CCDC180: variants seen among roughly 807,000 people sequenced by gnomAD.
The protein encoded by CCDC180 is coiled-coil domain-containing protein 180.
CCDC180 carries 154 observed loss-of-function variants against 209.2 expected under a neutral mutation model. That is an observed-to-expected ratio of 0.74 (90% CI 0.65 to 0.84). CCDC180 has a LOEUF of 0.84. Ranked by LOEUF, CCDC180 falls within the 40% of genes least tolerant of loss-of-function variation. The pLI, the probability that CCDC180 is intolerant of heterozygous loss-of-function variation, is 0.00. For missense variants in CCDC180, 1,874 were observed against 1,997.3 expected (o/e 0.94, Z 1.18); for synonymous variants, 778 against 749.1 (o/e 1.04, Z -0.63).
Position 97,332,271 on chromosome 9 carries a change from A to G in CCDC180, c.2274+1504A>G, listed in dbSNP as rs115957888. On this transcript the variant is annotated intron_variant, in intron 18 of 36. Coordinates refer to ENST00000529487, the MANE Select transcript of CCDC180 (RefSeq NM_020893.6). The stretch of plus-strand genomic sequence containing the variant: ...TGTATTATGCTGTTTTGATTACTGT[A>G]GACCTGTAGTATAGTTTGAAGTCAA... Among the ~76,000 whole-genome samples, 670 of 152,302 alleles carry G rather than the reference A, an allele frequency of 4.4e-3. 4 individuals are homozygous for G. The highest frequency in any genetic ancestry group is 0.015 in the African/African-American group (624 of 41,564).
chr9:97,369,948 G>T lies in CCDC180; in HGVS notation c.4216G>T (p.Glu1406Ter). ...ATTACGGATCCAGATCAGGAGATTT[G>T]AGGAGCTGCTGCCCCAAGTGTGTTG... ...IELRIQIRRF[E>*]ELLPQVCWLV... Residue 1406 changes from glutamate (E) to a stop codon, truncating the protein, a stop_gained, in exon 32 of 37, where the codon GAG becomes TAG. Transcript: ENST00000529487. LOFTEE classifies it high-confidence loss of function. 6.2e-7 allele frequency: 1 copy of T among 1,614,188 alleles called. No individual in the cohort carries two copies. The highest frequency in any genetic ancestry group is 1.1e-5 in the South Asian group (1 of 91,076).
In CCDC180 at chr9:97,361,821, G is replaced by T. The variant is rs1274045856; in HGVS notation, c.3579G>T (p.Glu1193Asp). ...CCAAGCTGGACGTGGTCACCCCTGA[G>T]TCCTTCACCCAGCTGAGCCGCGTGG... ...EEAKLDVVTPESFTQLSRVGK... is the reference protein window; with the variant it reads ...EEAKLDVVTPDSFTQLSRVGK... Residue 1193 changes from glutamate to aspartate, a missense_variant, in exon 27 of 37, where the codon GAG (glutamate) becomes GAT (aspartate). Transcript: ENST00000529487. The T allele has an allele frequency of 6.2e-6, 10 of 1,614,192 alleles. No homozygotes were observed. Among genetic ancestry groups the T allele is most frequent in the Non-Finnish European group, 8.5e-6 (10 of 1,180,040 alleles).
At chr9:97,312,789 A>G (rs1005682464) in intron 4 of CCDC180, among the ~76,000 whole-genome samples, 9 of 147,016 alleles carry the variant, frequency 6.1e-5, no homozygotes, top group Non-Finnish European at 1.3e-4. Flanking sequence ...CAAGTGGCCC[A>G]GATCCCTGCT....
At chr9:97,340,404 A>T (rs944770159) in intron 18 of CCDC180, among the ~76,000 whole-genome samples, 3 of 152,208 alleles carry the variant, frequency 2.0e-5, no homozygotes, top group African/African-American at 7.2e-5. Context: ...CCGAGGCAAG[A>T]GACCGAGGAC....
rs754206430 is a variant in CCDC180, at chr9:97,376,920, CT to C, written c.*29del. On this transcript the variant is annotated 3_prime_UTR_variant, in exon 37 of 37. Coordinates refer to ENST00000529487, the MANE Select transcript of CCDC180 (RefSeq NM_020893.6). ...CCCTCCGCCCCACCATGAATAAACA[CT>C]TTCTTATACAGACTCCTTCCCTGTC... 1 of 1,599,812 alleles carries C rather than the reference CT, an allele frequency of 6.3e-7. No homozygotes were observed. The highest frequency in any genetic ancestry group is 8.5e-7 in the Non-Finnish European group (1 of 1,174,804).
intron 18 of CCDC180, among the ~76,000 whole-genome samples, chr9:97,342,125 G>C: frequency 6.6e-6 from 1 of 152,222 alleles, no homozygotes; most frequent in Non-Finnish European, 1.5e-5. Context: ...GACCCCTTGC[G>C]CTTCCCGGGT....
intron 2 of CCDC180, 62 bp downstream of exon 2, chr9:97,308,194 C>T (rs1480115723): frequency 1.4e-6 from 2 of 1,449,250 alleles, no homozygotes; most frequent in African/African-American, 2.8e-5. Context: ...TTCCAAACTT[C>T]CCTCCCTCCC....
rs1554736391 is a variant in CCDC180 at position 97,371,617 on chromosome 9, A to G, written c.4511A>G (p.Gln1504Arg). Residue 1504 changes from glutamine to arginine, a missense_variant, in exon 34 of 37, where the codon CAG becomes CGG. Gln to Arg is a conservative substitution (Grantham distance 43, BLOSUM62 1). Transcript: ENST00000529487. ...CAGGAATGTACCAGAAGGAATGGCC[A>G]GGTTTTCATAACCAACTTGGCCACC... ...KLEECTRRNGQVFITNLATFT... is the reference protein window; with the variant it reads ...KLEECTRRNGRVFITNLATFT... 2 of 1,606,744 alleles carry G rather than the reference A, an allele frequency of 1.2e-6. No individual in the cohort carries two copies. The highest frequency in any genetic ancestry group is 1.7e-6 in the Non-Finnish European group (2 of 1,173,970).
intron 13 of CCDC180, 74 bp from the exon 14 acceptor site, chr9:97,324,945 C>T (rs1833481400): frequency 7.0e-7 from 1 of 1,418,530 alleles, no homozygotes; most frequent in Non-Finnish European, 9.6e-7. Flanking sequence ...GACAGGGGGT[C>T]CCACAGGTGG....
rs1826926486 is a variant in CCDC180, at chr9:97,366,548, C to T, written c.4048-11C>T. 4.3e-6 allele frequency: 7 copies of T among 1,612,244 alleles called. No individual in the cohort carries two copies. The highest frequency in any genetic ancestry group is 5.1e-6 in the Non-Finnish European group (6 of 1,178,596). On this transcript the variant is annotated splice_polypyrimidine_tract_variant and intron_variant, in intron 30 of 36. Coordinates refer to ENST00000529487, the MANE Select transcript of CCDC180 (RefSeq NM_020893.6). The surrounding 1 kb of genome is among the most constrained non-coding windows in gnomAD (Gnocchi z 4.3). ...GAGTCCTCACCCGCACATGGTCACC[C>T]TCTCTGGCAGGAGTTCTACCGTAAA...
chr9:97,345,668 C>G (rs71501812), intron 19 of CCDC180: 10 of 388,894 alleles, frequency 2.6e-5, no homozygotes, highest in Non-Finnish European at 3.5e-5. Context: ...GGAGAATCGC[C>G]TGAACCCAGG....
chr9:97,352,831 C>T (rs188338274), intron 22 of CCDC180, among the ~76,000 whole-genome samples: 1 of 151,982 alleles, frequency 6.6e-6, no homozygotes, highest in East Asian at 1.9e-4. Context: ...TTATATTATT[C>T]TTCCTAGTCA....
In CCDC180 at chr9:97,320,133, C is replaced by T. The variant is rs150060637; in HGVS notation, c.1087C>T (p.Leu363=). 891 of 1,613,988 alleles carry T rather than the reference C, an allele frequency of 5.5e-4. No individual in the cohort carries two copies. The highest frequency in any genetic ancestry group is 7.1e-4 in the Non-Finnish European group (842 of 1,179,956). ...CTGTATCTTCCTTCCCAGTGACCTC[C>T]TGCCCCCCAGTTACAGCAAAACTCA... ...LKHLCTICDL[L]PPSYSKTQLT... The change falls in exon 11 of 37, where the codon CTG becomes TTG. Residue 363 remains leucine (L), a synonymous_variant. Transcript: ENST00000529487.
chr9:97,321,193 G>C (rs1157226589), intron 11 of CCDC180, among the ~76,000 whole-genome samples: 2 of 152,178 alleles, frequency 1.3e-5, no homozygotes, highest in African/African-American at 4.8e-5. Context: ...GGTAGGTTAG[G>C]TATATTAAAT....
intron 24 of CCDC180, among the ~76,000 whole-genome samples, chr9:97,356,385 C>A (rs1826587209): frequency 6.6e-6 from 1 of 152,170 alleles, no homozygotes; most frequent in Non-Finnish European, 1.5e-5. Flanking sequence ...CATTTCACCC[C>A]AGGAAGCATT....
intron 25 of CCDC180, among the ~76,000 whole-genome samples, chr9:97,358,485 G>C (rs1429443389): frequency 6.6e-6 from 1 of 152,144 alleles, no homozygotes; most frequent in Non-Finnish European, 1.5e-5. Flanking sequence ...TGAAAAGTCA[G>C]AATTGGAACA....
intron 34 of CCDC180, chr9:97,373,800 T>G (rs1328278661): frequency 6.6e-6 from 1 of 152,218 alleles, no homozygotes; most frequent in Non-Finnish European, 1.5e-5. Context: ...TGTTGGTCAC[T>G]TTTCTCTATC....
chr9:97,370,931 G>C, intron 33 of CCDC180, 153 bp downstream of exon 33: 2 of 484,618 alleles, frequency 4.1e-6, no homozygotes, highest in Non-Finnish European at 3.4e-6. Context: ...GGCCATTATT[G>C]GCTGTTTTAA....
chr9:97,347,516 C>G (rs776592774), intron 20 of CCDC180, 27 bp downstream of exon 20: 25 of 1,529,162 alleles, frequency 1.6e-5, no homozygotes, highest in Non-Finnish European at 2.1e-5. Flanking sequence ...GGAATGTCTG[C>G]CCTGCCCGCA....
Sources: gnomAD v4.1 joint callset for allele counts (sites outside exome capture counted in the v4.1 genomes callset) on GRCh38, gnomAD v4.1.1 for gene constraint, Gnocchi (gnomAD v3.1) non-coding constraint, MANE v1.5 for transcripts, NCBI Gene and HGNC (gene_info 2026-07-23, HGNC 2026-07-21) for gene names.